Variants in CDH18 observed in about 807,000 individuals in gnomAD.
The protein encoded by CDH18 is cadherin-18.
A neutral mutation model predicts 67.9 loss-of-function variants in CDH18; 31 were observed. That is an observed-to-expected ratio of 0.46 (90% CI 0.34 to 0.62). The LOEUF (loss-of-function observed/expected upper bound fraction) is 0.62. CDH18 is among the 20% of genes least tolerant of loss of function. The pLI is 0.01. For synonymous variants in CDH18, 362 were observed against 347.2 expected, an observed-to-expected ratio of 1.04 and a Z score of -0.48; for missense variants, 890 against 975.5, an observed-to-expected ratio of 0.91 and a Z score of 1.17.
chr5:20,546,066 C>G (rs1757325528), intron 1 of CDH18, among the ~76,000 whole-genome samples: 1 of 152,116 alleles, frequency 6.6e-6, no homozygotes, highest in Non-Finnish European at 1.5e-5. Flanking sequence ...TTCCACAGAT[C>G]TCTAGGGTGG....
intron 5 of CDH18, among the ~76,000 whole-genome samples, chr5:19,674,830 C>T (rs1759241106): frequency 6.6e-6 from 1 of 152,006 alleles, no homozygotes; most frequent in Non-Finnish European, 1.5e-5. Flanking sequence ...CAAATCTAGA[C>T]CATTGACATT....
At chr5:19,654,901 G>A (rs778237430) in intron 5 of CDH18, among the ~76,000 whole-genome samples, 5 of 152,036 alleles carry the variant, frequency 3.3e-5, no homozygotes, top group Admixed American at 6.6e-5. Flanking sequence ...AATTACTCTC[G>A]ACATTCAGAC....
chr5:19,752,907 G>T (rs1316576727), intron 3 of CDH18, among the ~76,000 whole-genome samples: 1 of 152,104 alleles, frequency 6.6e-6, no homozygotes, highest in Non-Finnish European at 1.5e-5. Flanking sequence ...GACTTTTTGG[G>T]TGGCTAGACC....
chr5:20,340,049 G>A (rs929253847), intron 1 of CDH18, among the ~76,000 whole-genome samples: 1 of 152,132 alleles, frequency 6.6e-6, no homozygotes, highest in African/African-American at 2.4e-5. Context: ...TCTTTCTAAT[G>A]TGTATATTAG....
At chr5:19,803,841 G>A (rs932030481) in intron 3 of CDH18, 1 of 152,250 alleles carries the variant, frequency 6.6e-6, no homozygotes, top group African/African-American at 2.4e-5. Flanking sequence ...TAAATCCTAG[G>A]CCGGGCGCGG....
chr5:20,436,416 T>G (rs958401744), intron 1 of CDH18, among the ~76,000 whole-genome samples: 7 of 151,856 alleles, frequency 4.6e-5, no homozygotes, highest in African/African-American at 1.7e-4. Flanking sequence ...AGCTTAGCTT[T>G]TCTTAGCTTA....
At chr5:20,473,663 A>G (rs2150243815) in intron 1 of CDH18, among the ~76,000 whole-genome samples, 2 of 152,228 alleles carry the variant, frequency 1.3e-5, no homozygotes, top group South Asian at 4.1e-4. Flanking sequence ...GGCTTTCTAA[A>G]CAGATTCCCA....
chr5:19,833,391 A>G (rs900478746), intron 3 of CDH18, among the ~76,000 whole-genome samples: 1 of 152,134 alleles, frequency 6.6e-6, no homozygotes, highest in Non-Finnish European at 1.5e-5. Context: ...AGTTTGCTGA[A>G]GTTGCTTACC....
intron 10 of CDH18, among the ~76,000 whole-genome samples, chr5:19,513,717 C>T (rs1367831145): frequency 6.6e-6 from 1 of 152,000 alleles, no homozygotes; most frequent in Non-Finnish European, 1.5e-5. Context: ...TTAGTTATGG[C>T]TGAACTGTTT....
chr5:19,971,266 T>A (rs1312977869), intron 2 of CDH18, among the ~76,000 whole-genome samples: 1 of 151,954 alleles, frequency 6.6e-6, no homozygotes, highest in African/African-American at 2.4e-5. Flanking sequence ...TTTTCCAGTA[T>A]AAAATAACCA....
intron 5 of CDH18, among the ~76,000 whole-genome samples, chr5:19,673,596 A>G (rs1000510039): frequency 6.6e-6 from 1 of 152,102 alleles, no homozygotes; most frequent in Non-Finnish European, 1.5e-5. Flanking sequence ...AACTATCTCT[A>G]TAAAATGTTT....
intron 5 of CDH18, among the ~76,000 whole-genome samples, chr5:19,629,736 A>C (rs2150174790): frequency 6.6e-6 from 1 of 152,312 alleles, no homozygotes; most frequent in South Asian, 2.1e-4. Context: ...ATCAAGGTAT[A>C]CTTCAAATTT....
rs146061879 is a variant in CDH18 at position 20,107,230 on chromosome 5, T to G, written c.-517-115216A>C. Reference sequence around the variant, plus strand: ...CCAGTAGCTGGGACTACAGGCGCCCTCCATCACGCCCGGCTATTTTTTTAG... The same window carrying G: ...CCAGTAGCTGGGACTACAGGCGCCCGCCATCACGCCCGGCTATTTTTTTAG... On this transcript the variant is annotated intron_variant, in intron 2 of 14. Transcript: ENST00000507958. Among the ~76,000 whole-genome samples the G allele has an allele frequency of 5.1e-3, 778 of 151,992 alleles. 11 individuals carry two copies. The highest frequency in any genetic ancestry group is 0.017 in the African/African-American group (685 of 41,492).
At chr5:19,491,982 T>TATC (rs1269298222) in intron 11 of CDH18, among the ~76,000 whole-genome samples, 1 of 152,006 alleles carries the variant, frequency 6.6e-6, no homozygotes, top group African/African-American at 2.4e-5. Flanking sequence ...AGAATTCAAG[T>TATC]ATCTATGAGA....
chr5:20,270,777 T>C (rs900061416), intron 1 of CDH18, among the ~76,000 whole-genome samples: 5 of 151,346 alleles, frequency 3.3e-5, no homozygotes, highest in African/African-American at 4.8e-5. Context: ...AGGTGCTATA[T>C]ATAGGACATG....
At chr5:20,333,518 A>C (rs1561980164) in intron 1 of CDH18, among the ~76,000 whole-genome samples, 3 of 115,658 alleles carry the variant, frequency 2.6e-5, no homozygotes, top group East Asian at 4.3e-4. Flanking sequence ...AAAAAAAAAA[A>C]CAATATATAT....
intron 2 of CDH18, among the ~76,000 whole-genome samples, chr5:20,176,039 A>G (rs1737204795): frequency 6.6e-6 from 1 of 152,176 alleles, no homozygotes; most frequent in Non-Finnish European, 1.5e-5. Flanking sequence ...TAAGAGGAAA[A>G]GCCTTCATCT....
chr5:20,322,539 C>T (rs1738138108), intron 1 of CDH18, among the ~76,000 whole-genome samples: 1 of 151,964 alleles, frequency 6.6e-6, no homozygotes, highest in African/African-American at 2.4e-5. Flanking sequence ...TACATGTTAA[C>T]AACATCATTG....
chr5:20,465,514 C>T (rs1751574148), intron 1 of CDH18, among the ~76,000 whole-genome samples: 1 of 151,716 alleles, frequency 6.6e-6, no homozygotes, highest in African/African-American at 2.4e-5. Context: ...ATTACATTAT[C>T]AAGGTATATT....
Sources: gnomAD v4.1 joint callset for allele counts (sites outside exome capture counted in the v4.1 genomes callset) on GRCh38, gnomAD v4.1.1 for gene constraint, MANE v1.5 for transcripts, NCBI Gene and HGNC (gene_info 2026-07-23, HGNC 2026-07-21) for gene names.